The following NTRK3 variants were observed in gnomAD, a reference collection of about 807,000 sequenced individuals.
NTRK3 encodes the protein neurotrophic receptor tyrosine kinase 3.
NTRK3 carries 24 observed loss-of-function variants against 91.7 expected under a neutral mutation model. The ratio of observed to expected loss-of-function variants is 0.26; its 90% CI spans 0.19 to 0.37. NTRK3 has a LOEUF of 0.37. Among genes scored for constraint, NTRK3 ranks in the 10% least tolerant of loss-of-function variants. NTRK3 has a pLI of 1.00. For synonymous variants in NTRK3, 483 were observed against 404.0 expected, an observed-to-expected ratio of 1.20 and a Z score of -2.34; for missense variants, 880 against 1,068.9, an observed-to-expected ratio of 0.82 and a Z score of 2.46.
chr15:88,171,765 C>G (rs1264011446), intron 5 of NTRK3, among the ~76,000 whole-genome samples: 2 of 152,270 alleles, frequency 1.3e-5, no homozygotes, highest in African/African-American at 4.8e-5. Flanking sequence ...ACAGCCTAGT[C>G]TGCCCACCTT....
intron 3 of NTRK3, among the ~76,000 whole-genome samples, chr15:88,188,466 C>T (rs190375550): frequency 1.3e-5 from 2 of 152,298 alleles, no homozygotes; most frequent in Admixed American, 6.5e-5. Flanking sequence ...AGGACAGCCC[C>T]CACCGCTAAG....
intron 3 of NTRK3, among the ~76,000 whole-genome samples, chr15:88,196,757 C>T (rs1204317248): frequency 6.6e-6 from 1 of 152,150 alleles, no homozygotes; most frequent in South Asian, 2.1e-4. Flanking sequence ...ATATACTCAC[C>T]CTCTGGGAAG....
chr15:87,955,698 A>T (rs1463454702), intron 14 of NTRK3, among the ~76,000 whole-genome samples: 1 of 152,178 alleles, frequency 6.6e-6, no homozygotes, highest in Non-Finnish European at 1.5e-5. Context: ...AGGCACGACC[A>T]TTGGCCCCAT....
intron 13 of NTRK3, among the ~76,000 whole-genome samples, chr15:88,040,092 T>C (rs1158423364): frequency 6.6e-6 from 1 of 151,254 alleles, no homozygotes; most frequent in East Asian, 1.9e-4. Flanking sequence ...GATTTCTTTA[T>C]TATGGCTAGC....
chr15:87,916,896 G>A (rs1049230908), intron 17 of NTRK3, among the ~76,000 whole-genome samples: 5 of 152,006 alleles, frequency 3.3e-5, no homozygotes, highest in African/African-American at 1.2e-4. Context: ...CCAAGCATGT[G>A]GGACTACAGG....
chr15:87,933,327 A>C, intron 15 of NTRK3, 143 bp from the exon 16 acceptor site: 3 of 798,022 alleles, frequency 3.8e-6, no homozygotes, highest in Non-Finnish European at 5.9e-6. Flanking sequence ...AATGAAGCTC[A>C]ATCTCAACTA....
In NTRK3 at chr15:88,018,731, A is replaced by G. The variant is rs969983613; in HGVS notation, c.1585+14126T>C. 4.6e-5 allele frequency among the ~76,000 whole-genome samples: 7 copies of G among 152,240 alleles called. No homozygotes were observed. The East Asian group carries it at 1.4e-3, about 29-fold the overall frequency. On this transcript the variant is annotated intron_variant, in intron 14 of 18. Coordinates refer to ENST00000394480, the Ensembl canonical transcript of NTRK3. The stretch of plus-strand genomic sequence containing the variant: ...CAAAATGGGGAAAGTAATAGAAGCT[A>G]CCTCATAGGATTTTTATGAGGATTA...
chr15:88,212,159 G>A (rs958831952), intron 3 of NTRK3, among the ~76,000 whole-genome samples: 3 of 152,188 alleles, frequency 2.0e-5, no homozygotes, highest in African/African-American at 7.2e-5. Context: ...ACGAGGTCAG[G>A]AGATCGAGAC....
chr15:88,080,255 T>C (rs1248170679), intron 13 of NTRK3, among the ~76,000 whole-genome samples: 3 of 152,180 alleles, frequency 2.0e-5, no homozygotes, highest in African/African-American at 7.2e-5. Flanking sequence ...TCAAAGAGAA[T>C]ATCTTTTTTA....
At chr15:87,922,886 A>T (rs1219139525) in intron 17 of NTRK3, among the ~76,000 whole-genome samples, 1 of 152,116 alleles carries the variant, frequency 6.6e-6, no homozygotes, top group Non-Finnish European at 1.5e-5. Context: ...CACCCAATTC[A>T]TAGGATGTAG....
At chr15:88,048,968 C>T (rs758034934) in intron 13 of NTRK3, among the ~76,000 whole-genome samples, 1 of 152,174 alleles carries the variant, frequency 6.6e-6, no homozygotes, top group African/African-American at 2.4e-5. Flanking sequence ...ACCGTAACCT[C>T]CCACTACCCT....
At chr15:87,873,565 C>T (rs1334185960) in exon 19 of NTRK3, 3 of 231,850 alleles carry the variant, frequency 1.3e-5, no homozygotes, top group Admixed American at 5.6e-5. Context: ...CACTTCAAAG[C>T]TAAGCTCTCA....
At chr15:88,138,844 A>T (rs1443189030) in intron 6 of NTRK3, among the ~76,000 whole-genome samples, 1 of 152,202 alleles carries the variant, frequency 6.6e-6, no homozygotes, top group Admixed American at 6.5e-5. Flanking sequence ...GAGGTCAGCA[A>T]CATTGCCTGT....
chr15:88,203,206 C>A (rs548436283), intron 3 of NTRK3, among the ~76,000 whole-genome samples: 1 of 152,288 alleles, frequency 6.6e-6, no homozygotes, highest in Admixed American at 6.5e-5. Context: ...CATTCCCCTA[C>A]CTAGAAGTCC....
chr15:88,074,683 G>A (rs1453609931), intron 13 of NTRK3, among the ~76,000 whole-genome samples: 3 of 152,162 alleles, frequency 2.0e-5, no homozygotes, highest in African/African-American at 7.2e-5. Context: ...GTTTTCCTGT[G>A]GCTCTGCCAA....
intron 14 of NTRK3, among the ~76,000 whole-genome samples, chr15:87,994,560 C>T (rs1188048840): frequency 6.6e-6 from 1 of 152,166 alleles, no homozygotes; most frequent in African/African-American, 2.4e-5. Context: ...GCTCACAGCC[C>T]TCCAGACACC....
chr15:88,153,392 G>A (rs28567691), intron 5 of NTRK3, among the ~76,000 whole-genome samples: 40,543 of 151,744 alleles, frequency 0.27, 5,989 homozygotes, highest in African/African-American at 0.4. Flanking sequence ...AAAGGCATGT[G>A]CCACCACTCC....
intron 5 of NTRK3, among the ~76,000 whole-genome samples, chr15:88,148,636 T>G (rs1184922866): frequency 6.6e-6 from 1 of 152,090 alleles, no homozygotes; most frequent in Non-Finnish European, 1.5e-5. Flanking sequence ...GGAGAGGCAT[T>G]CACGCCACAC....
intron 5 of NTRK3, among the ~76,000 whole-genome samples, chr15:88,178,360 G>A (rs1226771626): frequency 6.6e-6 from 1 of 152,164 alleles, no homozygotes; most frequent in Non-Finnish European, 1.5e-5. Flanking sequence ...TACCTATGCA[G>A]TCAGTGTCCT....
Sources: allele counts gnomAD v4.1 joint callset (sites outside exome capture counted in the v4.1 genomes callset), GRCh38; gene constraint gnomAD v4.1.1; transcripts MANE v1.5; gene names NCBI Gene and HGNC (gene_info 2026-07-23, HGNC 2026-07-21).